FSIP1: variants seen among roughly 807,000 people sequenced by gnomAD.
FSIP1 encodes the protein fibrous sheath-interacting protein 1.
FSIP1 carries 65 observed loss-of-function variants against 60.9 expected under a neutral mutation model. That is an observed-to-expected ratio of 1.07 (90% CI 0.87 to 1.31). The LOEUF (loss-of-function observed/expected upper bound fraction) is 1.31. Among genes scored for constraint, FSIP1 ranks in the 40% most tolerant of loss-of-function variants. The pLI is 0.00. For synonymous variants in FSIP1, 209 were observed against 221.2 expected, an observed-to-expected ratio of 0.94 and a Z score of 0.49; for missense variants, 675 against 665.5, an observed-to-expected ratio of 1.01 and a Z score of -0.16.
At chr15:39,774,027 TA>T (rs932077040) in intron 2 of FSIP1, among the ~76,000 whole-genome samples, 1 of 152,250 alleles carries the variant, frequency 6.6e-6, no homozygotes, top group African/African-American at 2.4e-5. Context: ...TGACTTTTTT[TA>T]ACTAAAAATT....
At chr15:39,623,322 C>T (rs73391299) in intron 10 of FSIP1, among the ~76,000 whole-genome samples, 3,632 of 152,280 alleles carry the variant, frequency 0.024, 156 homozygotes, top group African/African-American at 0.083. Flanking sequence ...TATAAACCAG[C>T]AGAAGCAATC....
intron 9 of FSIP1, among the ~76,000 whole-genome samples, chr15:39,714,972 CAAAAAAA>C (rs34491210): frequency 1.1e-5 from 1 of 89,572 alleles, no homozygotes; most frequent in Non-Finnish European, 2.0e-5. Flanking sequence ...GACTCTGTCT[CAAAAAAA>C]AAAAAAAAAA....
intron 10 of FSIP1, among the ~76,000 whole-genome samples, chr15:39,629,814 T>C (rs1318969818): frequency 6.6e-6 from 1 of 152,234 alleles, no homozygotes; most frequent in African/African-American, 2.4e-5. Context: ...GATAGAAAGA[T>C]ATTTGAAAGA....
chr15:39,702,463 G>T, intron 10 of FSIP1, among the ~76,000 whole-genome samples: 1 of 26,116 alleles, frequency 3.8e-5, no homozygotes, highest in Admixed American at 4.9e-4. Context: ...AGCATGTTCA[G>T]GCTTGCTTTC....
At chr15:39,649,264 C>T (rs779143907) in intron 10 of FSIP1, among the ~76,000 whole-genome samples, 1 of 152,190 alleles carries the variant, frequency 6.6e-6, no homozygotes, top group African/African-American at 2.4e-5. Flanking sequence ...GCTCCCACTC[C>T]AGGAACTCTA....
At chr15:39,629,359 T>C (rs1891784872) in intron 10 of FSIP1, among the ~76,000 whole-genome samples, 1 of 152,162 alleles carries the variant, frequency 6.6e-6, no homozygotes, top group Non-Finnish European at 1.5e-5. Flanking sequence ...AAGTACTGTA[T>C]GCAGTAACCA....
At chr15:39,641,671 G>A (rs1001604370) in intron 10 of FSIP1, among the ~76,000 whole-genome samples, 5 of 151,946 alleles carry the variant, frequency 3.3e-5, no homozygotes, top group African/African-American at 1.2e-4. Context: ...CATGAACTAT[G>A]AGTCATAGCT....
intron 10 of FSIP1, among the ~76,000 whole-genome samples, chr15:39,672,233 G>A (rs1039631364): frequency 6.6e-6 from 1 of 152,208 alleles, no homozygotes; most frequent in African/African-American, 2.4e-5. Flanking sequence ...TAGGGAATTC[G>A]GTGAGAATCC....
intron 10 of FSIP1, among the ~76,000 whole-genome samples, chr15:39,671,094 T>A (rs1352576285): frequency 2.0e-5 from 3 of 152,242 alleles, no homozygotes; most frequent in Non-Finnish European, 4.4e-5. Context: ...ATACTTCATT[T>A]GCAAAGAAAA....
chr15:39,611,289 CCT>C (rs1891020553), intron 11 of FSIP1, among the ~76,000 whole-genome samples: 1 of 151,790 alleles, frequency 6.6e-6, no homozygotes, highest in Admixed American at 6.6e-5. Context: ...CTTAAAATAG[CCT>C]GTTATAATAA....
intron 9 of FSIP1, among the ~76,000 whole-genome samples, chr15:39,718,050 A>T (rs1895810012): frequency 6.7e-6 from 1 of 148,176 alleles, no homozygotes; most frequent in Non-Finnish European, 1.5e-5. Flanking sequence ...GAGCTCCCAC[A>T]CACTTTTTCT....
intron 10 of FSIP1, among the ~76,000 whole-genome samples, chr15:39,694,476 C>T (rs1237813981): frequency 2.0e-5 from 3 of 152,146 alleles, no homozygotes; most frequent in African/African-American, 4.8e-5. Context: ...TGACTTTATA[C>T]ATATTTACGT....
intron 5 of FSIP1, among the ~76,000 whole-genome samples, chr15:39,746,874 C>G (rs1897011743): frequency 6.6e-6 from 1 of 151,956 alleles, no homozygotes. Flanking sequence ...GATAAGAAAA[C>G]CAACGTGAGA....
At position 39,600,648 on chromosome 15, in the gene FSIP1, A is replaced by C. The variant is rs1890605512; in HGVS notation, c.*232T>G. The C allele has an allele frequency of 2.1e-6, 1 of 467,804 alleles. No individual in the cohort carries two copies. The highest frequency in any genetic ancestry group is 2.0e-5 in the African/African-American group (1 of 49,108). 29.0% of individuals were successfully genotyped at this position (467,804 alleles called of 1,614,324 possible). ...GAATCCTAATACTGTAAGATTAGCA[A>C]TAAATTTATAAACAATGGTCCCAGA... is the stretch of plus-strand genomic sequence containing the variant. On this transcript the variant is annotated 3_prime_UTR_variant, in exon 12 of 12. Coordinates refer to ENST00000350221, the MANE Select transcript of FSIP1 (RefSeq NM_152597.5).
chr15:39,644,285 G>T (rs746329247), intron 10 of FSIP1, among the ~76,000 whole-genome samples: 5 of 152,132 alleles, frequency 3.3e-5, no homozygotes, highest in Non-Finnish European at 5.9e-5. Flanking sequence ...CAGCTGCCCG[G>T]CCGAGTGTGC....
chr15:39,598,386 G>A (rs544247159), downstream of FSIP1: 2 of 152,318 alleles, frequency 1.3e-5, no homozygotes, highest in African/African-American at 2.4e-5. Context: ...GAAGAAGCAG[G>A]AACTAGAAAG....
At chr15:39,686,183 T>C (rs536097774) in intron 10 of FSIP1, among the ~76,000 whole-genome samples, 3 of 152,292 alleles carry the variant, frequency 2.0e-5, no homozygotes, top group African/African-American at 7.2e-5. Context: ...CAATTTCCAC[T>C]GGCAAGAAAG....
At position 39,618,130 on chromosome 15, in the gene FSIP1, T is replaced by G; in HGVS notation, c.1304A>C (p.Glu435Ala). Residue 435 changes from glutamate to alanine, a missense_variant, in exon 11 of 12, where the codon GAG (glutamate) becomes GCG (alanine). Transcript: ENST00000350221. Reference sequence around the variant, plus strand: ...CTGGGGGAACACAGGTGTTACGTCCTCAATGTCTTCCTTTTTTCTTTCTGA... The same window carrying G: ...CTGGGGGAACACAGGTGTTACGTCCGCAATGTCTTCCTTTTTTCTTTCTGA... ...LSSERKKEDI[E>A]DVTPVFPQLS... 1 of 1,614,188 alleles carries G rather than the reference T, an allele frequency of 6.2e-7. No individual in the cohort carries two copies. The highest frequency in any genetic ancestry group is 1.1e-5 in the South Asian group (1 of 91,086).
chr15:39,602,565 A>C (rs1386602618), intron 11 of FSIP1, among the ~76,000 whole-genome samples: 1 of 152,230 alleles, frequency 6.6e-6, no homozygotes, highest in Non-Finnish European at 1.5e-5. Context: ...AAAGTGATAA[A>C]TGTAGTGGTA....
Sources: gnomAD v4.1 joint callset for allele counts (sites outside exome capture counted in the v4.1 genomes callset) on GRCh38, gnomAD v4.1.1 for gene constraint, MANE v1.5 for transcripts, NCBI Gene and HGNC (gene_info 2026-07-23, HGNC 2026-07-21) for gene names.